The following PLD1 variants were observed in gnomAD, a reference collection of about 807,000 sequenced individuals.
PLD1 encodes choline phosphatase 1.
PLD1 carries 112 observed loss-of-function variants against 137.1 expected under a neutral mutation model. That is an observed-to-expected ratio of 0.82 (90% CI 0.70 to 0.96). The LOEUF (loss-of-function observed/expected upper bound fraction) is 0.96. Ranked by LOEUF, PLD1 falls within the 40% of genes least tolerant of loss-of-function variation. The pLI, the probability that PLD1 is intolerant of heterozygous loss-of-function variation, is 0.00. For synonymous variants in PLD1, 431 were observed against 454.7 expected, an observed-to-expected ratio of 0.95 and a Z score of 0.66; for missense variants, 1,321 against 1,342.0, an observed-to-expected ratio of 0.98 and a Z score of 0.24.
chr3:171,720,551 C>A (rs1718055327), intron 8 of PLD1, among the ~76,000 whole-genome samples: 1 of 151,484 alleles, frequency 6.6e-6, no homozygotes, highest in African/African-American at 2.4e-5. Flanking sequence ...CCGCTGCACT[C>A]CAGCCTAGGC....
rs749980971 is a variant in PLD1, at chr3:171,662,102, G to A, written c.2298C>T (p.Tyr766=). 7.4e-6 allele frequency: 12 copies of A among 1,612,878 alleles called. No homozygotes were observed. Among genetic ancestry groups the A allele is most frequent in the South Asian group, 5.5e-5 (5 of 91,050 alleles). ...KYHEESIHAA[Y]VHVIENSRHY... ...GCCTGCTGTTCTCTATCACATGGAC[G>A]TAAGCGGCGTGGATGGACTCTTCAT... The change falls in exon 20 of 27, where the codon TAC becomes TAT. Residue 766 remains tyrosine, a synonymous_variant. Transcript: ENST00000351298.
intron 8 of PLD1, among the ~76,000 whole-genome samples, chr3:171,722,382 T>C (rs6809327): frequency 0.36 from 54,851 of 152,054 alleles, 11,003 homozygotes; most frequent in African/African-American, 0.52. Context: ...ATTTTTGGTA[T>C]ATTCACAAAG....
At chr3:171,730,947 A>G (rs1205453498) in intron 6 of PLD1, among the ~76,000 whole-genome samples, 2 of 152,120 alleles carry the variant, frequency 1.3e-5, no homozygotes, top group Admixed American at 6.5e-5. Flanking sequence ...CCCTGTCTCC[A>G]CTTTTTAAAG....
intron 19 of PLD1, among the ~76,000 whole-genome samples, chr3:171,670,336 T>A (rs1360461009): frequency 2.6e-5 from 4 of 152,216 alleles, no homozygotes; most frequent in African/African-American, 4.8e-5. Flanking sequence ...ACACTCCAAA[T>A]ACCCTGAGGC....
At position 171,746,173 on chromosome 3, in the gene PLD1, G is replaced by A. The variant is rs149877575; in HGVS notation, c.-31-8091C>T. 1.9e-3 allele frequency among the ~76,000 whole-genome samples: 287 copies of A among 152,290 alleles called. 3 individuals are homozygous for A. Among genetic ancestry groups the A allele is most frequent in the African/African-American group, 4.7e-3 (197 of 41,558 alleles). ...CCATGCCCGAGCCCCTCCCCTCCGC[G>A]GGCTCCCGCACAGCCGGAGCCTCCA... On this transcript the variant is annotated intron_variant, in intron 1 of 26. Transcript: ENST00000351298.
At chr3:171,806,677 G>A (rs1723860565) in intron 1 of PLD1, among the ~76,000 whole-genome samples, 1 of 152,096 alleles carries the variant, frequency 6.6e-6, no homozygotes, top group Admixed American at 6.6e-5. Context: ...TAAACATCTG[G>A]GATGGACAGG....
chr3:171,796,958 C>T (rs1405969781), intron 1 of PLD1, among the ~76,000 whole-genome samples: 3 of 152,160 alleles, frequency 2.0e-5, no homozygotes, highest in Non-Finnish European at 4.4e-5. Flanking sequence ...CCAGAGCTGC[C>T]CTTCTTAAGC....
chr3:171,792,704 A>G (rs1723264686), intron 1 of PLD1: 2 of 456,602 alleles, frequency 4.4e-6, no homozygotes, highest in Non-Finnish European at 8.8e-6. Flanking sequence ...TGGTGACAAA[A>G]GGAGTCAAGG....
chr3:171,798,516 T>A (rs4894769), intron 1 of PLD1, among the ~76,000 whole-genome samples: 65,071 of 152,032 alleles, frequency 0.43, 14,265 homozygotes, highest in Admixed American at 0.47. Flanking sequence ...TGAAATCAGG[T>A]GACAGTGTCA....
At chr3:171,691,267 A>G (rs550905910) in intron 13 of PLD1, among the ~76,000 whole-genome samples, 1 of 152,268 alleles carries the variant, frequency 6.6e-6, no homozygotes, top group African/African-American at 2.4e-5. Context: ...CCAGTCTACC[A>G]ATCTCTGTTT....
At chr3:171,765,640 T>A (rs1293427304) in intron 1 of PLD1, 1 of 152,198 alleles carries the variant, frequency 6.6e-6, no homozygotes, top group African/African-American at 2.4e-5. Context: ...ACTTGAGGAC[T>A]CAATCATTTT....
intron 1 of PLD1, among the ~76,000 whole-genome samples, chr3:171,798,651 T>C (rs1723523147): frequency 6.6e-6 from 1 of 152,240 alleles, no homozygotes. Flanking sequence ...TTATTATGTA[T>C]GCTTAACTTG....
At chr3:171,687,021 G>A (rs1187083485) in intron 15 of PLD1, among the ~76,000 whole-genome samples, 1 of 152,176 alleles carries the variant, frequency 6.6e-6, no homozygotes, top group African/African-American at 2.4e-5. Context: ...TATATTTCTG[G>A]ATAGGAAGAT....
intron 21 of PLD1, 93 bp from the exon 22 acceptor site, chr3:171,645,116 T>C (rs1358220128): frequency 7.4e-6 from 6 of 808,448 alleles, no homozygotes; most frequent in African/African-American, 5.0e-5. Context: ...GTTTTTGAGA[T>C]TGAGTGAATG....
At chr3:171,745,831 C>A (rs1720113999) in intron 1 of PLD1, among the ~76,000 whole-genome samples, 1 of 152,094 alleles carries the variant, frequency 6.6e-6, no homozygotes, top group African/African-American at 2.4e-5. Flanking sequence ...CTGTGGGAGC[C>A]CCTCTCTGGG....
At chr3:171,626,440 C>A (rs1358968063) in intron 23 of PLD1, among the ~76,000 whole-genome samples, 1 of 152,144 alleles carries the variant, frequency 6.6e-6, no homozygotes, top group Non-Finnish European at 1.5e-5. Context: ...AGGATATTAT[C>A]CAGGAGAACT....
rs570740742 is a variant in PLD1 at position 171,789,523 on chromosome 3, A to T, written c.-32+20876T>A. The T allele has an allele frequency of 2.6e-5, 4 of 152,382 alleles. No individual in the cohort carries two copies. The South Asian group carries it at 8.3e-4, about 32-fold the overall frequency. 9.4% of individuals were successfully genotyped at this position (152,382 alleles called of 1,614,324 possible). On this transcript the variant is annotated intron_variant, in intron 1 of 26. Coordinates refer to ENST00000351298, the MANE Select transcript of PLD1 (RefSeq NM_002662.5). ...ATAAGAGCCCCTTTGGGCAGTGGCC[A>T]GAGTGGGAATATCTGTATACAAAAG...
chr3:171,674,696 G>A, intron 18 of PLD1, 83 bp from the exon 19 acceptor site: 1 of 792,034 alleles, frequency 1.3e-6, no homozygotes, highest in Non-Finnish European at 2.1e-6. Flanking sequence ...AGAAATTCAT[G>A]CCCAGGTGCA....
intron 6 of PLD1, among the ~76,000 whole-genome samples, chr3:171,731,030 A>G (rs1476769190): frequency 7.2e-6 from 1 of 139,342 alleles, no homozygotes; most frequent in Non-Finnish European, 1.6e-5. Context: ...CCTGATGATA[A>G]GAATCACTTG....
Sources: gnomAD v4.1 joint callset for allele counts (sites outside exome capture counted in the v4.1 genomes callset) on GRCh38, gnomAD v4.1.1 for gene constraint, MANE v1.5 for transcripts, NCBI Gene and HGNC (gene_info 2026-07-23, HGNC 2026-07-21) for gene names.